Variants in GABPB1 observed in about 807,000 individuals in gnomAD.
GABPB1 encodes the protein GA-binding protein subunit beta-1.
Under a neutral mutation model 45.9 loss-of-function variants are expected in GABPB1, and 15 were observed. The observed-to-expected ratio is 0.33, with a 90% CI of 0.22 to 0.50. The LOEUF is 0.50. GABPB1 is among the 20% of genes least tolerant of loss of function. The pLI is 0.98. For missense variants in GABPB1, 252 were observed against 457.5 expected (o/e 0.55, Z 4.10); for synonymous variants, 143 against 154.4 (o/e 0.93, Z 0.55).
chr15:50,351,466 C>T (rs2048821274), intron 1 of GABPB1: 1 of 152,236 alleles, frequency 6.6e-6, no homozygotes, highest in Non-Finnish European at 1.5e-5. Context: ...GTCCCAACTA[C>T]TCAGGAGGCT....
intron 1 of GABPB1, among the ~76,000 whole-genome samples, chr15:50,324,067 G>A (rs1028525522): frequency 1.3e-5 from 2 of 152,006 alleles, no homozygotes; most frequent in Non-Finnish European, 2.9e-5. Context: ...AGCTGGGCGG[G>A]TGGCACACAC....
chr15:50,345,348 A>G (rs2048526290), intron 1 of GABPB1, among the ~76,000 whole-genome samples: 1 of 152,232 alleles, frequency 6.6e-6, no homozygotes, highest in Admixed American at 6.5e-5. Context: ...AAGTAGTAGT[A>G]AAAGAACTCA....
At chr15:50,283,801 C>A (rs1009677240) in intron 8 of GABPB1, among the ~76,000 whole-genome samples, 6 of 152,116 alleles carry the variant, frequency 3.9e-5, no homozygotes, top group Admixed American at 3.9e-4. Context: ...TGTAGGCCAC[C>A]GCACCCAGCC....
chr15:50,354,429 G>A, intron 1 of GABPB1: 1 of 450,976 alleles, frequency 2.2e-6, no homozygotes, highest in South Asian at 1.6e-5. Flanking sequence ...GCGCCTCTCG[G>A]CCCCGCAGCA....
rs1410011670 is a variant in GABPB1 at position 50,318,914 on chromosome 15, CT to C, written c.1-9117del. Among the ~76,000 whole-genome samples the C allele has an allele frequency of 3.9e-5, 6 of 152,142 alleles. No individual in the cohort carries two copies. The East Asian group carries it at 1.2e-3, about 29-fold the overall frequency. On this transcript the variant is annotated intron_variant, in intron 1 of 8. Transcript: ENST00000380877. ...ACACAGAGATATGCACACGCATTTC[CT>C]TTGTGGTATAGGCGTGGATTAGCTA...
chr15:50,342,181 C>A (rs2048398226), intron 1 of GABPB1, among the ~76,000 whole-genome samples: 1 of 152,322 alleles, frequency 6.6e-6, no homozygotes, highest in Non-Finnish European at 1.5e-5. Flanking sequence ...TTGACCTCAG[C>A]AAAATGAATT....
At chr15:50,327,764 TG>T (rs1271190026) in intron 1 of GABPB1, among the ~76,000 whole-genome samples, 1 of 152,104 alleles carries the variant, frequency 6.6e-6, no homozygotes, top group Admixed American at 6.6e-5. Flanking sequence ...CTGGGCGTGG[TG>T]GTGCATGCCT....
intron 1 of GABPB1, among the ~76,000 whole-genome samples, chr15:50,338,567 G>C (rs2048228836): frequency 1.3e-5 from 2 of 150,884 alleles, no homozygotes; most frequent in South Asian, 4.2e-4. Context: ...TACACCTCCT[G>C]GGCTCAAGAG....
chr15:50,354,689 C>G, intron 1 of GABPB1: 1 of 409,520 alleles, frequency 2.4e-6, no homozygotes. Context: ...GCGAGGCGGC[C>G]GCGGCATGCT....
At chr15:50,294,770 AC>A (rs1796624479) in intron 6 of GABPB1, among the ~76,000 whole-genome samples, 1 of 152,122 alleles carries the variant, frequency 6.6e-6, no homozygotes, top group Admixed American at 6.5e-5. Flanking sequence ...AAAAGAAGGA[AC>A]TTTTTTATTT....
At chr15:50,283,945 G>C (rs188402743) in intron 8 of GABPB1, among the ~76,000 whole-genome samples, 5 of 152,162 alleles carry the variant, frequency 3.3e-5, no homozygotes, top group Admixed American at 3.3e-4. Flanking sequence ...CAGCATCACT[G>C]ATATTTTTGG....
chr15:50,300,732 A>C, intron 6 of GABPB1, 57 bp downstream of exon 6: 1 of 1,098,328 alleles, frequency 9.1e-7, no homozygotes, highest in East Asian at 2.4e-5. Context: ...GGTGTGAGCC[A>C]CGGCACCCAG....
At chr15:50,292,314 CAAAA>C (rs762047613) in intron 6 of GABPB1, among the ~76,000 whole-genome samples, 2 of 49,568 alleles carry the variant, frequency 4.0e-5, no homozygotes, top group African/African-American at 5.5e-5. Flanking sequence ...GACTCCATCT[CAAAA>C]AAAAAAAAAA....
chr15:50,279,596 A>G (rs1322019817), intron 8 of GABPB1, among the ~76,000 whole-genome samples: 2 of 152,204 alleles, frequency 1.3e-5, no homozygotes, highest in Non-Finnish European at 2.9e-5. Context: ...ACTCTGCCCC[A>G]TTCAGTTATT....
chr15:50,349,504 AAAAT>A (rs2048741933), intron 1 of GABPB1: 1 of 152,242 alleles, frequency 6.6e-6, no homozygotes, highest in Non-Finnish European at 1.5e-5. Flanking sequence ...TAAACTGCCT[AAAAT>A]CACACAGCTA....
At chr15:50,340,547 CAAAA>C (rs397853899) in intron 1 of GABPB1, among the ~76,000 whole-genome samples, 6,385 of 110,726 alleles carry the variant, frequency 0.058, 280 homozygotes, top group East Asian at 0.23. Context: ...CTATAATCAC[CAAAA>C]AAAAAAAAAA....
chr15:50,303,963 T>C lies in GABPB1; in HGVS notation c.276+3A>G, dbSNP rs1318767017. 7 of 1,589,552 alleles carry C rather than the reference T, an allele frequency of 4.4e-6. No individual in the cohort carries two copies. Among genetic ancestry groups the C allele is most frequent in the South Asian group, 3.5e-5 (3 of 86,168 alleles). ...AAGCAAAGTGCAAAAAGAGAACACA[T>C]ACCTTAAGTAAAACCTCTACTATGC... On this transcript the variant is annotated splice_donor_region_variant and intron_variant, in intron 3 of 8. Coordinates refer to ENST00000380877, the MANE Select transcript of GABPB1 (RefSeq NM_016654.5).
chr15:50,354,679 G>C lies in GABPB1; in HGVS notation c.-1+306C>G, dbSNP rs1408452416. The C allele has an allele frequency of 1.1e-4, 46 of 416,768 alleles. 1 individual carries two copies. The Admixed American group carries it at 1.2e-3, about 11-fold the overall frequency. 25.8% of individuals were successfully genotyped at this position (416,768 alleles called of 1,614,324 possible). A position where few individuals can be genotyped will look rare whatever the true frequency, so the allele number is the denominator to read the frequency against. ...CTCGGGACCGGCAAGCCGGGTAGCC[G>C]CGAGGCGGCCGCGGCATGCTAGGGC... On this transcript the variant is annotated intron_variant, in intron 1 of 8. Coordinates refer to ENST00000380877, the MANE Select transcript of GABPB1 (RefSeq NM_016654.5).
rs1164131235 is a variant in GABPB1, at chr15:50,355,135, G to T, written c.-151C>A. 6.5e-6 allele frequency: 1 copy of T among 153,200 alleles called. No individual in the cohort carries two copies. The highest frequency in any genetic ancestry group is 1.5e-5 in the Non-Finnish European group (1 of 68,350). The allele number at this position is 153,200 out of a possible 1,614,324, so 9.5% of individuals were successfully genotyped here. On this transcript the variant is annotated 5_prime_UTR_variant, in exon 1 of 9. Transcript: ENST00000380877. ...CTATTTTCCGAAAATGCCGCGTCTGGTCGGCGCCCAAAATCCCCACCGAAA... is the reference window on the plus strand; with the variant it reads ...CTATTTTCCGAAAATGCCGCGTCTGTTCGGCGCCCAAAATCCCCACCGAAA...
Sources: gnomAD v4.1 joint callset for allele counts (sites outside exome capture counted in the v4.1 genomes callset) on GRCh38, gnomAD v4.1.1 for gene constraint, MANE v1.5 for transcripts, NCBI Gene and HGNC (gene_info 2026-07-23, HGNC 2026-07-21) for gene names.